The following CACNA1B variants were observed in gnomAD, a reference collection of about 807,000 sequenced individuals.
The protein encoded by CACNA1B is calcium voltage-gated channel subunit alpha1 B.
In CACNA1B, 70 loss-of-function variants were observed where a neutral mutation model predicts 247.2. That is an observed-to-expected ratio of 0.28 (90% CI 0.23 to 0.35). The LOEUF is 0.35. Ranked by LOEUF, CACNA1B falls within the 10% of genes least tolerant of loss-of-function variation. CACNA1B has a pLI of 1.00. For synonymous variants in CACNA1B, 1,231 were observed against 1,294.4 expected (o/e 0.95, Z 1.05); for missense variants, 2,367 against 3,197.4 (o/e 0.74, Z 6.26).
At chr9:137,930,817 C>T (rs1957599107) in intron 6 of CACNA1B, among the ~76,000 whole-genome samples, 1 of 151,386 alleles carries the variant, frequency 6.6e-6, no homozygotes, top group Non-Finnish European at 1.5e-5. Flanking sequence ...GATGGATTGA[C>T]CTTTTTATCA....
chr9:137,878,410 G>A (rs1341208381), intron 1 of CACNA1B, among the ~76,000 whole-genome samples, 193 bp downstream of exon 1: 4 of 152,102 alleles, frequency 2.6e-5, no homozygotes, highest in Admixed American at 2.6e-4. Context: ...GGCGGGCGCG[G>A]GGCGGAGCCC....
intron 32 of CACNA1B, among the ~76,000 whole-genome samples, chr9:138,071,482 G>A (rs1010835374): frequency 6.6e-6 from 1 of 152,124 alleles, no homozygotes; most frequent in Non-Finnish European, 1.5e-5. Flanking sequence ...CATGGTGCTC[G>A]GCCTGCCACG....
chr9:137,922,601 G>C (rs564043740), intron 6 of CACNA1B, among the ~76,000 whole-genome samples: 13 of 152,284 alleles, frequency 8.5e-5, no homozygotes, highest in African/African-American at 3.1e-4. Flanking sequence ...AGGAAATCAG[G>C]GTGGCAACCG....
chr9:138,050,214 C>T lies in CACNA1B; in HGVS notation c.3710+899C>T, dbSNP rs905239204. On this transcript the variant is annotated intron_variant, in intron 24 of 46. Transcript: ENST00000371372. The surrounding 1 kb of genome is among the most constrained non-coding windows in gnomAD (Gnocchi z 5.2). ...TCACCCCATCGGGGCTGCATGCTGCCGGGAGCCAAGTCCCCGGCCAGGGGT... is the reference window on the plus strand; with the variant it reads ...TCACCCCATCGGGGCTGCATGCTGCTGGGAGCCAAGTCCCCGGCCAGGGGT... The T allele has an allele frequency of 7.3e-6, 5 of 686,608 alleles. No individual in the cohort carries two copies. Among genetic ancestry groups the T allele is most frequent in the Admixed American group, 2.4e-5 (1 of 41,866 alleles). 42.5% of individuals were successfully genotyped at this position (686,608 alleles called of 1,614,324 possible). A position where few individuals can be genotyped will look rare whatever the true frequency, so the allele number is the denominator to read the frequency against.
intron 3 of CACNA1B, among the ~76,000 whole-genome samples, chr9:137,898,708 G>GT (rs1039682099): frequency 2.7e-5 from 4 of 148,950 alleles, no homozygotes; most frequent in Non-Finnish European, 5.9e-5. Flanking sequence ...TTGAGATGGA[G>GT]TCTCCCTCTG....
intron 6 of CACNA1B, among the ~76,000 whole-genome samples, chr9:137,918,456 G>A (rs1957442424): frequency 1.3e-5 from 2 of 152,186 alleles, no homozygotes; most frequent in Admixed American, 6.5e-5. Context: ...GAATCTGGGA[G>A]GGGTGCTAGG....
Position 138,025,132 on chromosome 9 carries a change from G to T in CACNA1B, c.3246G>T (p.Val1082=). 1 of 1,613,080 alleles carries T rather than the reference G, an allele frequency of 6.2e-7. No homozygotes were observed. ...CGAACACTATTGTACATATCCCAGTGATGCTGACGGGCCCTCTTGGGGAAG... is the reference window on the plus strand; with the variant it reads ...CGAACACTATTGTACATATCCCAGTTATGCTGACGGGCCCTCTTGGGGAAG... ...PDPNTIVHIP[V]MLTGPLGEAT... is the part of the protein sequence containing the mutation. The change falls in exon 20 of 47, where the codon GTG becomes GTT. Residue 1082 remains valine, a synonymous_variant. Coordinates refer to ENST00000371372, the MANE Select transcript of CACNA1B (RefSeq NM_000718.4).
chr9:138,064,031 A>C (rs1383712180), intron 31 of CACNA1B, among the ~76,000 whole-genome samples: 1 of 152,322 alleles, frequency 6.6e-6, no homozygotes, highest in African/African-American at 2.4e-5. Context: ...GCCTGGGCAC[A>C]CGAGACCACT....
intron 40 of CACNA1B, among the ~76,000 whole-genome samples, chr9:138,113,939 C>T (rs576464304): frequency 3.5e-5 from 5 of 142,510 alleles, no homozygotes; most frequent in Non-Finnish European, 7.6e-5. Flanking sequence ...TTGTGGGAGA[C>T]GTGAGGGAGC....
At chr9:138,049,382 G>A in intron 24 of CACNA1B, 67 bp downstream of exon 24, 2 of 1,053,432 alleles carry the variant, frequency 1.9e-6, no homozygotes, top group Non-Finnish European at 3.0e-6. Flanking sequence ...TGAGGGTGAG[G>A]GAATAAGGAA....
Position 138,052,326 on chromosome 9 carries a change from C to G in CACNA1B, c.3807+138C>G. 1.7e-6 allele frequency: 1 copy of G among 598,042 alleles called. No homozygotes were observed. Among genetic ancestry groups the G allele is most frequent in the Non-Finnish European group, 3.0e-6 (1 of 331,560 alleles). 37.0% of individuals were successfully genotyped at this position (598,042 alleles called of 1,614,324 possible). A position where few individuals can be genotyped will look rare whatever the true frequency, so the allele number is the denominator to read the frequency against. Reference sequence around the variant, plus strand: ...CACCCCTGTGTGAGGGGGTTGGGCTCACTCAGCTGTAAGCCCCCATTACCC... The same window carrying G: ...CACCCCTGTGTGAGGGGGTTGGGCTGACTCAGCTGTAAGCCCCCATTACCC... On this transcript the variant is annotated intron_variant, in intron 25 of 46. Transcript: ENST00000371372. This position sits in a 1 kb window ranked among gnomAD's most constrained non-coding sequence, Gnocchi z 5.1.
At chr9:138,062,622 C>T (rs1274812291) in intron 31 of CACNA1B, among the ~76,000 whole-genome samples, 2 of 152,206 alleles carry the variant, frequency 1.3e-5, no homozygotes, top group Non-Finnish European at 2.9e-5. Flanking sequence ...AGGTTGGCCC[C>T]TCTCATTATG....
intron 20 of CACNA1B, among the ~76,000 whole-genome samples, chr9:138,027,586 CTGTT>C (rs1234056565): frequency 3.9e-5 from 6 of 151,940 alleles, no homozygotes; most frequent in East Asian, 3.9e-4. Flanking sequence ...GTGTGTGTGT[CTGTT>C]TGTGTGTGTG....
intron 7 of CACNA1B, among the ~76,000 whole-genome samples, chr9:137,953,519 T>C (rs11137321): frequency 0.36 from 54,271 of 151,962 alleles, 13,338 homozygotes; most frequent in African/African-American, 0.68. Context: ...GTGATTGTCA[T>C]TAGCAGGCCT....
At chr9:138,088,831 C>T (rs58224177) in intron 36 of CACNA1B, among the ~76,000 whole-genome samples, 4,107 of 151,266 alleles carry the variant, frequency 0.027, 157 homozygotes, top group East Asian at 0.17. Context: ...TGGTGGTGCA[C>T]GCCTGTGGTC....
Position 137,990,109 on chromosome 9 carries a change from G to C in CACNA1B, c.1974+3255G>C, listed in dbSNP as rs556076689. Reference sequence around the variant, plus strand: ...CCTGGAAATAGACTCAGTGCTGTTGGGGGTGGGCACGGTAGGAGTGAGACC... The same window carrying C: ...CCTGGAAATAGACTCAGTGCTGTTGCGGGTGGGCACGGTAGGAGTGAGACC... On this transcript the variant is annotated intron_variant, in intron 15 of 46. Transcript: ENST00000371372. This position sits in a 1 kb window ranked among gnomAD's most constrained non-coding sequence, Gnocchi z 4.5. Among the ~76,000 whole-genome samples the C allele has an allele frequency of 6.6e-6, 1 of 152,276 alleles. No individual in the cohort carries two copies. The highest frequency in any genetic ancestry group is 2.1e-4 in the South Asian group (1 of 4,820).
intron 3 of CACNA1B, among the ~76,000 whole-genome samples, chr9:137,909,118 G>A (rs1957332340): frequency 6.6e-6 from 1 of 151,602 alleles, no homozygotes; most frequent in African/African-American, 2.4e-5. Context: ...AGCCTCCCGA[G>A]TAGCTGGGAT....
chr9:137,955,707 C>T lies in CACNA1B; in HGVS notation c.1080C>T (p.Ala360=). 6.2e-7 allele frequency: 1 copy of T among 1,611,498 alleles called. No homozygotes were observed. Among genetic ancestry groups the T allele is most frequent in the Non-Finnish European group, 8.5e-7 (1 of 1,178,576 alleles). Residue 360 remains alanine, a synonymous_variant, in exon 8 of 47, where the codon GCC becomes GCT. Transcript: ENST00000371372. The surrounding 1 kb of genome is among the most constrained non-coding windows in gnomAD (Gnocchi z 6.9). ...LVLGVLSGEF[A]KERERVENRR... ...GGCCCCTGCATGGTAGGGAGTTTGC[C>T]AAGGAGCGAGAGAGGGTGGAGAACC...
At chr9:137,984,777 GAC>G (rs1958337029) in intron 13 of CACNA1B, among the ~76,000 whole-genome samples, 1 of 152,198 alleles carries the variant, frequency 6.6e-6, no homozygotes, top group Non-Finnish European at 1.5e-5. Context: ...CGATGGCAGT[GAC>G]AAGACCATGT....
Sources: gnomAD v4.1 joint callset for allele counts (sites outside exome capture counted in the v4.1 genomes callset) on GRCh38, gnomAD v4.1.1 for gene constraint, Gnocchi (gnomAD v3.1) non-coding constraint, MANE v1.5 for transcripts, NCBI Gene and HGNC (gene_info 2026-07-23, HGNC 2026-07-21) for gene names.